Variants in SDK1 observed in about 807,000 individuals in gnomAD.
SDK1 encodes protein sidekick-1.
Under a neutral mutation model 245.5 loss-of-function variants are expected in SDK1, and 157 were observed. That is an observed-to-expected ratio of 0.64 (90% CI 0.56 to 0.73). The LOEUF (loss-of-function observed/expected upper bound fraction) is 0.73, where lower values mean the gene tolerates loss of function less well. Ranked by LOEUF, SDK1 falls within the 30% of genes least tolerant of loss-of-function variation. The pLI is 0.00. For missense variants in SDK1, 3,583 were observed against 3,002.3 expected, an observed-to-expected ratio of 1.19 and a Z score of -4.52; for synonymous variants, 1,647 against 1,278.5, an observed-to-expected ratio of 1.29 and a Z score of -6.15.
At chr7:3,366,028 A>C (rs559555011) in intron 1 of SDK1, among the ~76,000 whole-genome samples, 4 of 137,792 alleles carry the variant, frequency 2.9e-5, no homozygotes, top group Admixed American at 1.6e-4. Flanking sequence ...GACAAGAATG[A>C]AATTCTGTCT....
Position 3,512,580 on chromosome 7 carries a change from A to G in SDK1, c.299-106500A>G, listed in dbSNP as rs562632981. 4.6e-5 allele frequency among the ~76,000 whole-genome samples: 7 copies of G among 152,314 alleles called. No homozygotes were observed. In the East Asian group the frequency reaches 5.8e-4, roughly 13 times the overall value. ...GTAACATTTTACATCCCCAGCAGCA[A>G]TGACTGAGAATTCCCATTGCTCCGC... On this transcript the variant is annotated intron_variant, in intron 1 of 44. Coordinates refer to ENST00000404826, the MANE Select transcript of SDK1 (RefSeq NM_152744.4).
rs1025892768 is a variant in SDK1 at position 4,267,164 on chromosome 7, C to CT, written c.*1786dup. ...AAAATTAGAGGGTATGGCAAGTTTC[C>CT]TTTTTTCTCTCCTCCCTTCCTTCCC... On this transcript the variant is annotated 3_prime_UTR_variant, in exon 45 of 45. Coordinates refer to ENST00000404826, the MANE Select transcript of SDK1 (RefSeq NM_152744.4). The CT allele has an allele frequency of 2.0e-6, 2 of 984,320 alleles. No homozygotes were observed. Among genetic ancestry groups the CT allele is most frequent in the African/African-American group, 3.5e-5 (2 of 57,136 alleles). The allele number at this position is 984,320 out of a possible 1,614,324, so 61.0% of individuals were successfully genotyped here.
intron 1 of SDK1, among the ~76,000 whole-genome samples, chr7:3,589,288 C>T (rs1003486847): frequency 6.6e-6 from 1 of 152,166 alleles, no homozygotes; most frequent in Non-Finnish European, 1.5e-5. Context: ...ACTGGTCTCA[C>T]AGTTGGCGTG....
chr7:3,989,070 T>G (rs759193511), intron 14 of SDK1, among the ~76,000 whole-genome samples: 5 of 152,340 alleles, frequency 3.3e-5, no homozygotes, highest in Non-Finnish European at 2.9e-5. Flanking sequence ...TTTAACCTTT[T>G]AATACGTAAG....
chr7:3,560,042 T>G (rs1177981292), intron 1 of SDK1, among the ~76,000 whole-genome samples: 1 of 152,272 alleles, frequency 6.6e-6, no homozygotes, highest in Non-Finnish European at 1.5e-5. Flanking sequence ...CAAAGCAACC[T>G]GTCATGAGCA....
At chr7:3,872,123 C>T (rs1030217466) in intron 5 of SDK1, among the ~76,000 whole-genome samples, 2 of 152,104 alleles carry the variant, frequency 1.3e-5, no homozygotes, top group South Asian at 2.1e-4. Flanking sequence ...ACCTTACAAT[C>T]CTTGGATGAA....
At chr7:3,757,843 GC>G (rs1457899862) in intron 4 of SDK1, among the ~76,000 whole-genome samples, 1 of 152,140 alleles carries the variant, frequency 6.6e-6, no homozygotes, top group Non-Finnish European at 1.5e-5. Flanking sequence ...GGGGAGTGGG[GC>G]TGAAAGTTCC....
At chr7:4,261,349 C>T (rs1583196573) in intron 44 of SDK1, among the ~76,000 whole-genome samples, 1 of 152,166 alleles carries the variant, frequency 6.6e-6, no homozygotes, top group Non-Finnish European at 1.5e-5. Context: ...TCAGTGTGGA[C>T]CTCCTGCAAA....
chr7:4,082,231 T>C (rs546367505), intron 22 of SDK1, among the ~76,000 whole-genome samples: 1 of 152,206 alleles, frequency 6.6e-6, no homozygotes, highest in East Asian at 1.9e-4. Context: ...AGCTTGCCTG[T>C]ATGTCTTACT....
intron 35 of SDK1, among the ~76,000 whole-genome samples, chr7:4,185,472 G>C (rs1472407648): frequency 6.6e-6 from 1 of 152,104 alleles, no homozygotes; most frequent in Non-Finnish European, 1.5e-5. Context: ...GAGCCCCCAG[G>C]CTTCCCCCTC....
chr7:3,899,336 C>T (rs1410309602), intron 5 of SDK1, among the ~76,000 whole-genome samples: 1 of 152,142 alleles, frequency 6.6e-6, no homozygotes, highest in African/African-American at 2.4e-5. Flanking sequence ...CATATCTCCC[C>T]ATCATCTACA....
chr7:3,508,094 T>C (rs564652603), intron 1 of SDK1, among the ~76,000 whole-genome samples: 2 of 152,304 alleles, frequency 1.3e-5, no homozygotes, highest in South Asian at 2.1e-4. Context: ...AAACTGCTAC[T>C]GATAGTCAGG....
In SDK1 at chr7:4,132,402, G is replaced by A. The variant is rs999196394; in HGVS notation, c.4207G>A (p.Glu1403Lys). 1 of 1,611,928 alleles carries A rather than the reference G, an allele frequency of 6.2e-7. No homozygotes were observed. Among genetic ancestry groups the A allele is most frequent in the Non-Finnish European group, 8.5e-7 (1 of 1,178,882 alleles). Reference sequence around the variant, plus strand: ...GCGGATAGTGTGGCAACCTCCGGAGGAGCCCAACGGCATCATCCTGGGTAA... The same window carrying A: ...GCGGATAGTGTGGCAACCTCCGGAGAAGCCCAACGGCATCATCCTGGGTAA... ...SVRIVWQPPE[E>K]PNGIILGYQI... The change falls in exon 28 of 45, where the codon GAG (glutamate) becomes AAG (lysine). Residue 1403 changes from glutamate (E) to lysine (K), a missense_variant. By Grantham distance (56) the Glu-to-Lys change is moderately conservative (BLOSUM62 1). Transcript: ENST00000404826.
At chr7:3,958,703 A>G (rs1781449960) in intron 7 of SDK1, among the ~76,000 whole-genome samples, 1 of 152,178 alleles carries the variant, frequency 6.6e-6, no homozygotes, top group South Asian at 2.1e-4. Flanking sequence ...CAAGCCCATA[A>G]ACTGAAAAGT....
At chr7:4,238,070 C>CT (rs913723222) in intron 42 of SDK1, among the ~76,000 whole-genome samples, 2 of 150,878 alleles carry the variant, frequency 1.3e-5, no homozygotes, top group African/African-American at 4.9e-5. Flanking sequence ...CACTCTGTAC[C>CT]TTTGTTCAAA....
At chr7:3,618,567 T>C (rs1396725166) in intron 1 of SDK1, among the ~76,000 whole-genome samples, 2 of 152,240 alleles carry the variant, frequency 1.3e-5, no homozygotes, top group African/African-American at 4.8e-5. Flanking sequence ...TTGTATCCCA[T>C]TGAAAGTCAC....
chr7:3,932,727 C>G (rs896041233), intron 5 of SDK1, among the ~76,000 whole-genome samples: 6 of 152,346 alleles, frequency 3.9e-5, no homozygotes, highest in African/African-American at 1.4e-4. Context: ...CAAAGCATCC[C>G]TGTGCCTGGC....
At chr7:3,406,222 A>G (rs1428845273) in intron 1 of SDK1, among the ~76,000 whole-genome samples, 1 of 152,164 alleles carries the variant, frequency 6.6e-6, no homozygotes, top group South Asian at 2.1e-4. Context: ...CTCCATTACC[A>G]TCTCTCTGAT....
chr7:3,951,835 G>A lies in SDK1; in HGVS notation c.1065G>A (p.Ala355=), dbSNP rs769886680. 60 of 1,613,700 alleles carry A rather than the reference G, an allele frequency of 3.7e-5. 1 individual carries two copies. The Admixed American group carries it at 6.3e-4, about 17-fold the overall frequency. The change falls in exon 7 of 45, where the codon GCG becomes GCA. Residue 355 remains alanine (A), a synonymous_variant. Coordinates refer to ENST00000404826, the MANE Select transcript of SDK1 (RefSeq NM_152744.4). The part of the protein sequence containing the change: ...RRLTISNPTS[A]DTGPYVCEAA... ...TCACCATCAGCAACCCGACGTCCGC[G>A]GACACCGGGCCATACGTCTGCGAGG...
Sources: gnomAD v4.1 joint callset for allele counts (sites outside exome capture counted in the v4.1 genomes callset) on GRCh38, gnomAD v4.1.1 for gene constraint, MANE v1.5 for transcripts, NCBI Gene and HGNC (gene_info 2026-07-23, HGNC 2026-07-21) for gene names.